The following LURAP1L variants were observed in gnomAD, a reference collection of about 807,000 sequenced individuals.
LURAP1L encodes leucine rich adaptor protein 1 like.
Under a neutral mutation model 13.8 loss-of-function variants are expected in LURAP1L, and 12 were observed. The ratio of observed to expected loss-of-function variants is 0.87; its 90% CI spans 0.56 to 1.41. The LOEUF (loss-of-function observed/expected upper bound fraction) is 1.41. Among genes scored for constraint, LURAP1L ranks in the 40% most tolerant of loss-of-function variants. The probability of loss-of-function intolerance (pLI) is 0.00; values close to 1 mark genes in which losing one functional copy is unlikely to be tolerated. For missense variants in LURAP1L, 375 were observed against 292.9 expected (o/e 1.28, Z -2.04); for synonymous variants, 139 against 119.2 (o/e 1.17, Z -1.08).
intron 1 of LURAP1L, among the ~76,000 whole-genome samples, chr9:12,786,674 T>C (rs1369325299): frequency 6.7e-6 from 1 of 149,764 alleles, no homozygotes; most frequent in Admixed American, 6.7e-5. Context: ...GGGATGCTCA[T>C]GATAACAAAA....
chr9:12,818,546 T>G (rs1183655907), intron 1 of LURAP1L, among the ~76,000 whole-genome samples: 1 of 152,182 alleles, frequency 6.6e-6, no homozygotes, highest in Non-Finnish European at 1.5e-5. Flanking sequence ...AGACAATCAT[T>G]GGCAGTATAT....
At chr9:12,802,014 A>T (rs559881708) in intron 1 of LURAP1L, among the ~76,000 whole-genome samples, 15 of 152,346 alleles carry the variant, frequency 9.8e-5, no homozygotes, top group Middle Eastern at 6.8e-3. Context: ...CAGGAGAATG[A>T]AATGGTTGTT....
intron 1 of LURAP1L, among the ~76,000 whole-genome samples, chr9:12,806,235 C>G (rs139833229): frequency 6.6e-6 from 1 of 152,130 alleles, no homozygotes; most frequent in Non-Finnish European, 1.5e-5. Flanking sequence ...GATGGTACAG[C>G]TGGTTCAAGA....
At chr9:12,786,356 C>A (rs1473800640) in intron 1 of LURAP1L, among the ~76,000 whole-genome samples, 1 of 151,246 alleles carries the variant, frequency 6.6e-6, no homozygotes, top group Admixed American at 6.6e-5. Context: ...TTTTCTAAAG[C>A]AGCTTCTGTT....
At chr9:12,804,346 A>T (rs1330475146) in intron 1 of LURAP1L, among the ~76,000 whole-genome samples, 2 of 141,442 alleles carry the variant, frequency 1.4e-5, no homozygotes, top group South Asian at 2.3e-4. Flanking sequence ...TTGTTATCTG[A>T]TTTTTTTTTT....
chr9:12,777,519 T>G, intron 1 of LURAP1L: 1 of 983,028 alleles, frequency 1.0e-6, no homozygotes, highest in Middle Eastern at 5.2e-4. Context: ...CTTCTGTAAT[T>G]TTACCCATGG....
chr9:12,817,237 C>A, intron 1 of LURAP1L, among the ~76,000 whole-genome samples: 1 of 151,968 alleles, frequency 6.6e-6, no homozygotes. Context: ...CCTCTCAAGT[C>A]ACATATTACT....
At chr9:12,799,020 G>T (rs1414976215) in intron 1 of LURAP1L, among the ~76,000 whole-genome samples, 1 of 152,078 alleles carries the variant, frequency 6.6e-6, no homozygotes, top group Non-Finnish European at 1.5e-5. Flanking sequence ...ACTGTCATCA[G>T]AAAATGTTCA....
chr9:12,786,830 C>A (rs1819362814), intron 1 of LURAP1L, among the ~76,000 whole-genome samples: 1 of 151,608 alleles, frequency 6.6e-6, no homozygotes, highest in African/African-American at 2.4e-5. Context: ...TCTTTGCTGG[C>A]CCACACCATG....
intron 1 of LURAP1L, among the ~76,000 whole-genome samples, chr9:12,814,030 A>C (rs2118543122): frequency 6.6e-6 from 1 of 152,330 alleles, no homozygotes; most frequent in East Asian, 1.9e-4. Context: ...TTATCTGTCA[A>C]GTGTGTGTTA....
chr9:12,795,946 T>C (rs1819506576), intron 1 of LURAP1L, among the ~76,000 whole-genome samples: 1 of 152,034 alleles, frequency 6.6e-6, no homozygotes, highest in Non-Finnish European at 1.5e-5. Flanking sequence ...AGGAAGAAAG[T>C]GAGAAGATTC....
At chr9:12,804,555 C>A (rs2118521342) in intron 1 of LURAP1L, among the ~76,000 whole-genome samples, 1 of 152,146 alleles carries the variant, frequency 6.6e-6, no homozygotes, top group East Asian at 1.9e-4. Flanking sequence ...GTTGGCCAGG[C>A]TGGTCTCGAA....
chr9:12,814,023 T>C (rs1819772959), intron 1 of LURAP1L, among the ~76,000 whole-genome samples: 2 of 152,228 alleles, frequency 1.3e-5, no homozygotes, highest in Non-Finnish European at 2.9e-5. Context: ...TTTATTATTA[T>C]CTGTCAAGTG....
intron 1 of LURAP1L, among the ~76,000 whole-genome samples, chr9:12,790,256 GCTCA>G (rs1487701884): frequency 7.9e-5 from 12 of 152,056 alleles, no homozygotes; most frequent in Admixed American, 3.3e-4. Flanking sequence ...TAATAATATT[GCTCA>G]CTATCTTTTT....
intron 1 of LURAP1L, among the ~76,000 whole-genome samples, chr9:12,820,221 C>T (rs540874211): frequency 6.6e-6 from 1 of 152,006 alleles, no homozygotes; most frequent in Non-Finnish European, 1.5e-5. Context: ...GGACCACACA[C>T]CTGCCGGGAG....
At chr9:12,781,723 G>A (rs1297016496) in intron 1 of LURAP1L, among the ~76,000 whole-genome samples, 1 of 152,214 alleles carries the variant, frequency 6.6e-6, no homozygotes, top group East Asian at 1.9e-4. Flanking sequence ...AGACACAGGA[G>A]TGAAGATATC....
rs1482389811 is a variant in LURAP1L, at chr9:12,822,847, T to A, written c.*1087T>A. 2.0e-5 allele frequency among the ~76,000 whole-genome samples: 3 copies of A among 152,194 alleles called. No homozygotes were observed. Among genetic ancestry groups the A allele is most frequent in the African/African-American group, 7.2e-5 (3 of 41,468 alleles). On this transcript the variant is annotated 3_prime_UTR_variant, in exon 2 of 2. Transcript: ENST00000319264. ...ATCTTGATAACTCCTAGTGAGGGAATCTAATTAAGATTTCATGCTGTTCTT... is the reference window on the plus strand; with the variant it reads ...ATCTTGATAACTCCTAGTGAGGGAAACTAATTAAGATTTCATGCTGTTCTT...
intron 1 of LURAP1L, among the ~76,000 whole-genome samples, chr9:12,791,876 C>T (rs1294006457): frequency 6.6e-6 from 1 of 152,038 alleles, no homozygotes; most frequent in Non-Finnish European, 1.5e-5. Context: ...ACAATTAATG[C>T]CACAATTAAT....
chr9:12,793,459 A>AT (rs772485827), intron 1 of LURAP1L, among the ~76,000 whole-genome samples: 28 of 152,044 alleles, frequency 1.8e-4, no homozygotes, highest in South Asian at 4.1e-4. Flanking sequence ...CCTGCTAGGC[A>AT]TTTTTTGGAC....
Sources: gnomAD v4.1 joint callset for allele counts (sites outside exome capture counted in the v4.1 genomes callset) on GRCh38, gnomAD v4.1.1 for gene constraint, MANE v1.5 for transcripts, NCBI Gene and HGNC (gene_info 2026-07-23, HGNC 2026-07-21) for gene names.